SNX29: variants seen among roughly 807,000 people sequenced by gnomAD.
The protein encoded by SNX29 is sorting nexin-29.
SNX29 carries 78 observed loss-of-function variants against 102.1 expected under a neutral mutation model. That is an observed-to-expected ratio of 0.76 (90% CI 0.64 to 0.92). SNX29 has a LOEUF of 0.92. Ranked by LOEUF, SNX29 falls within the 40% of genes least tolerant of loss-of-function variation. The pLI is 0.00. For synonymous variants in SNX29, 580 were observed against 414.5 expected (o/e 1.40, Z -4.85); for missense variants, 1,280 against 1,061.7 (o/e 1.21, Z -2.86).
chr16:12,322,820 C>CCAA (rs1296251311), intron 15 of SNX29, among the ~76,000 whole-genome samples: 13 of 46,842 alleles, frequency 2.8e-4, no homozygotes, highest in African/African-American at 9.6e-4. Context: ...ACTGGAATCA[C>CCAA]TGATGACCAC....
At chr16:12,478,347 A>G (rs973250764) in intron 19 of SNX29, among the ~76,000 whole-genome samples, 2 of 152,228 alleles carry the variant, frequency 1.3e-5, no homozygotes, top group Non-Finnish European at 2.9e-5. Flanking sequence ...CGTAGTTGTC[A>G]TGATGTTCAC....
rs1233171032 is a variant in SNX29, at chr16:12,096,536, G to A, written c.1402+17621G>A. Among the ~76,000 whole-genome samples the A allele has an allele frequency of 1.3e-5, 2 of 152,204 alleles. No homozygotes were observed. Among genetic ancestry groups the A allele is most frequent in the African/African-American group, 4.8e-5 (2 of 41,446 alleles). On this transcript the variant is annotated intron_variant, in intron 11 of 20. Transcript: ENST00000566228. This position sits in a 1 kb window ranked among gnomAD's most constrained non-coding sequence, Gnocchi z 4.2. ...AGAGAGTGCTTTGACATTGCGCTCA[G>A]CACTCAGGAGATGTTAGCTCTTCTC... is the stretch of plus-strand genomic sequence containing the variant.
chr16:11,980,010 GGTTT>G (rs2055380185), intron 1 of SNX29, among the ~76,000 whole-genome samples: 2 of 152,068 alleles, frequency 1.3e-5, no homozygotes, highest in African/African-American at 2.4e-5. Context: ...AGTGCACATT[GGTTT>G]GTGTTTTAAA....
At chr16:12,232,924 G>A (rs1487590904) in intron 14 of SNX29, among the ~76,000 whole-genome samples, 1 of 152,202 alleles carries the variant, frequency 6.6e-6, no homozygotes, top group African/African-American at 2.4e-5. Context: ...AGGCTGGTTG[G>A]GGGAGGTGGT....
At chr16:11,995,474 A>G (rs917840008) in intron 1 of SNX29, among the ~76,000 whole-genome samples, 1 of 152,126 alleles carries the variant, frequency 6.6e-6, no homozygotes, top group Admixed American at 6.6e-5. Context: ...GATCACAGCC[A>G]GGAAGTGTGA....
intron 20 of SNX29, among the ~76,000 whole-genome samples, chr16:12,552,291 C>T (rs1416492186): frequency 2.6e-5 from 4 of 152,184 alleles, no homozygotes; most frequent in African/African-American, 7.2e-5. Context: ...TTCTGTGCCT[C>T]AGTTTCCTCT....
At chr16:11,989,236 G>A (rs1164150973) in intron 1 of SNX29, among the ~76,000 whole-genome samples, 1 of 152,148 alleles carries the variant, frequency 6.6e-6, no homozygotes, top group Non-Finnish European at 1.5e-5. Flanking sequence ...GCCTCCCAAA[G>A]TGCTGGGATT....
At chr16:11,978,857 A>G (rs1438567283) in intron 1 of SNX29, among the ~76,000 whole-genome samples, 1 of 151,934 alleles carries the variant, frequency 6.6e-6, no homozygotes, top group Non-Finnish European at 1.5e-5. Flanking sequence ...CCCCGGTGCC[A>G]GAGGTTGCAG....
chr16:12,184,939 C>T (rs2076475802), intron 13 of SNX29, among the ~76,000 whole-genome samples: 1 of 152,150 alleles, frequency 6.6e-6, no homozygotes, highest in Non-Finnish European at 1.5e-5. Context: ...TGGCTAGATC[C>T]TTTGGGACTG....
intron 19 of SNX29, among the ~76,000 whole-genome samples, chr16:12,480,532 C>G (rs2087857713): frequency 6.6e-6 from 1 of 152,152 alleles, no homozygotes; most frequent in Admixed American, 6.6e-5. Context: ...CTAACTTAAC[C>G]ACATCTGCTG....
At chr16:12,113,138 T>C (rs958846150) in intron 11 of SNX29, among the ~76,000 whole-genome samples, 1 of 152,238 alleles carries the variant, frequency 6.6e-6, no homozygotes, top group East Asian at 1.9e-4. Context: ...TCTCCAGGAC[T>C]GAGGAAGTGG....
At chr16:12,265,042 G>A (rs911002913) in intron 14 of SNX29, among the ~76,000 whole-genome samples, 3 of 152,180 alleles carry the variant, frequency 2.0e-5, no homozygotes, top group Non-Finnish European at 2.9e-5. Flanking sequence ...TTTGGAATGA[G>A]CTGGTTTAAA....
At chr16:12,307,693 A>G (rs538878524) in intron 15 of SNX29, among the ~76,000 whole-genome samples, 1 of 152,232 alleles carries the variant, frequency 6.6e-6, no homozygotes, top group Non-Finnish European at 1.5e-5. Context: ...GGCGTGGAGA[A>G]TCTGTCTTGA....
chr16:12,010,910 CT>C (rs2056626644), intron 3 of SNX29, among the ~76,000 whole-genome samples: 1 of 152,036 alleles, frequency 6.6e-6, no homozygotes, highest in African/African-American at 2.4e-5. Context: ...AACGGAATGG[CT>C]TTTTCAGGCT....
chr16:12,233,607 A>G (rs756506673), intron 14 of SNX29, among the ~76,000 whole-genome samples: 1 of 152,236 alleles, frequency 6.6e-6, no homozygotes, highest in African/African-American at 2.4e-5. Flanking sequence ...AAAAAACCAC[A>G]CAAACAACTT....
At chr16:12,277,763 A>G (rs551214660) in intron 14 of SNX29, among the ~76,000 whole-genome samples, 170 bp from the exon 15 acceptor site, 1 of 152,066 alleles carries the variant, frequency 6.6e-6, no homozygotes, top group Non-Finnish European at 1.5e-5. Flanking sequence ...TATTGTACTT[A>G]GGTGAAAATG....
chr16:12,285,650 C>T (rs1213080966), intron 15 of SNX29, among the ~76,000 whole-genome samples: 2 of 152,174 alleles, frequency 1.3e-5, no homozygotes, highest in African/African-American at 4.8e-5. Context: ...GGAGCAGTTA[C>T]ACCACCAGTG....
intron 20 of SNX29, among the ~76,000 whole-genome samples, chr16:12,567,997 AAC>A (rs2079083854): frequency 6.6e-6 from 1 of 152,144 alleles, no homozygotes; most frequent in African/African-American, 2.4e-5. Flanking sequence ...CTGGCTCTTA[AAC>A]ACAATACCAT....
Position 12,572,371 on chromosome 16 carries a change from G to C in SNX29, c.*3742G>C. On this transcript the variant is annotated 3_prime_UTR_variant, in exon 21 of 21. Coordinates refer to ENST00000566228, the MANE Select transcript of SNX29 (RefSeq NM_032167.5). ...TGATGGACAGCAGGCTCTGCCTTCT[G>C]GAGGCGGCTTATATCCCAACAGCCT... is the stretch of plus-strand genomic sequence containing the variant. 3 of 1,063,146 alleles carry C rather than the reference G, an allele frequency of 2.8e-6. No individual in the cohort carries two copies. Among genetic ancestry groups the C allele is most frequent in the Non-Finnish European group, 3.4e-6 (3 of 877,894 alleles). 65.9% of individuals were successfully genotyped at this position (1,063,146 alleles called of 1,614,324 possible).
Sources: gnomAD v4.1 joint callset for allele counts (sites outside exome capture counted in the v4.1 genomes callset) on GRCh38, gnomAD v4.1.1 for gene constraint, Gnocchi (gnomAD v3.1) non-coding constraint, MANE v1.5 for transcripts, NCBI Gene and HGNC (gene_info 2026-07-23, HGNC 2026-07-21) for gene names.